Variants in SUGP1 observed in about 807,000 individuals in gnomAD.
SUGP1 encodes the protein SURP and G-patch domain containing 1.
A neutral mutation model predicts 76.5 loss-of-function variants in SUGP1; 34 were observed. That is an observed-to-expected ratio of 0.44 (90% confidence interval 0.34 to 0.59). The LOEUF (loss-of-function observed/expected upper bound fraction) is 0.59. Ranked by LOEUF, SUGP1 falls within the 20% of genes least tolerant of loss-of-function variation. The pLI, the probability that SUGP1 is intolerant of heterozygous loss-of-function variation, is 0.01. For missense variants in SUGP1, 752 were observed against 851.7 expected, an observed-to-expected ratio of 0.88 and a Z score of 1.46; for synonymous variants, 326 against 326.2, an observed-to-expected ratio of 1.00 and a Z score of 0.01.
intron 8 of SUGP1, among the ~76,000 whole-genome samples, chr19:19,292,256 G>A (rs2061190913): frequency 7.1e-6 from 1 of 141,556 alleles, no homozygotes; most frequent in African/African-American, 2.6e-5. Flanking sequence ...CAGGGTGACA[G>A]AGTGAGACTC....
chr19:19,293,081 A>AT (rs1342175949), intron 8 of SUGP1, among the ~76,000 whole-genome samples: 1 of 150,846 alleles, frequency 6.6e-6, no homozygotes, highest in Non-Finnish European at 1.5e-5. Flanking sequence ...TAATTTTTGA[A>AT]TTTTTTTTGG....
intron 3 of SUGP1, among the ~76,000 whole-genome samples, chr19:19,308,569 T>C (rs979639660): frequency 6.6e-6 from 1 of 152,250 alleles, no homozygotes; most frequent in Non-Finnish European, 1.5e-5. Context: ...CCCAGCTGCG[T>C]GCCCACCCGG....
At chr19:19,314,858 AACCC>A (rs1363921153) in intron 2 of SUGP1, among the ~76,000 whole-genome samples, 1 of 152,138 alleles carries the variant, frequency 6.6e-6, no homozygotes, top group Non-Finnish European at 1.5e-5. Context: ...AACAAGGAGA[AACCC>A]CGCCTCTACT....
At chr19:19,298,059 C>G (rs1247980058) in intron 7 of SUGP1, among the ~76,000 whole-genome samples, 1 of 152,230 alleles carries the variant, frequency 6.6e-6, no homozygotes, top group East Asian at 1.9e-4. Flanking sequence ...CGGGAGAGAA[C>G]TGAATGCATG....
intron 8 of SUGP1, among the ~76,000 whole-genome samples, chr19:19,292,531 G>A (rs1401861033): frequency 6.6e-6 from 1 of 151,936 alleles, no homozygotes; most frequent in Non-Finnish European, 1.5e-5. Flanking sequence ...GTGAAACCCT[G>A]TCTCTACTAA....
chr19:19,296,954 C>T (rs2061230515), intron 8 of SUGP1, 35 bp downstream of exon 8: 3 of 1,513,892 alleles, frequency 2.0e-6, no homozygotes, highest in Non-Finnish European at 2.7e-6. Flanking sequence ...AAGTCAGACC[C>T]TTCCAACACA....
At position 19,279,241 on chromosome 19, in the gene SUGP1, C is replaced by T. The variant is rs760060587; in HGVS notation, c.1500G>A (p.Leu500=). ...TGGTCTTATCCATCTCCATGCGCCGCAGCTGGTGCTCCCAGGTGCCCAGCT... is the reference window on the plus strand; with the variant it reads ...TGGTCTTATCCATCTCCATGCGCCGTAGCTGGTGCTCCCAGGTGCCCAGCT... The part of the protein sequence containing the change: ...DSELGTWEHQ[L]RRMEMDKTRE... Residue 500 remains leucine, a synonymous_variant, in exon 10 of 14, where the codon CTG becomes CTA. Coordinates refer to ENST00000247001, the MANE Select transcript of SUGP1 (RefSeq NM_172231.4). 6.2e-7 allele frequency: 1 copy of T among 1,610,032 alleles called. No homozygotes were observed. Among genetic ancestry groups the T allele is most frequent in the East Asian group, 2.2e-5 (1 of 44,856 alleles).
chr19:19,295,333 G>A (rs1014018278), intron 8 of SUGP1, among the ~76,000 whole-genome samples: 6 of 151,974 alleles, frequency 3.9e-5, no homozygotes, highest in African/African-American at 1.5e-4. Flanking sequence ...GGCCGGGAGC[G>A]GTGGTTCACG....
At position 19,280,208 on chromosome 19, in the gene SUGP1, T is replaced by G. The variant is rs1427437991; in HGVS notation, c.1327A>C (p.Lys443Gln). The stretch of plus-strand genomic sequence containing the variant: ...ACCTCCTGCTGCTCCTTCAGCTGCT[T>G]CTTCTGGGCGTCTGAAAGCTCTGTG... Reference protein sequence around the residue: ...GVTELSDAQKKQLKEQQEMQQ... With the variant: ...GVTELSDAQKQQLKEQQEMQQ... The change falls in exon 9 of 14, where the codon AAG (lysine) becomes CAG (glutamine). Residue 443 changes from lysine (K) to glutamine (Q), a missense_variant. Lys to Gln is a moderately conservative substitution (Grantham distance 53). Coordinates refer to ENST00000247001, the MANE Select transcript of SUGP1 (RefSeq NM_172231.4). The G allele has an allele frequency of 1.2e-5, 20 of 1,613,832 alleles. No individual in the cohort carries two copies. Among genetic ancestry groups the G allele is most frequent in the African/African-American group, 6.7e-5 (5 of 74,930 alleles).
rs749160884 is a variant in SUGP1 at position 19,279,300 on chromosome 19, G to A, written c.1441C>T (p.His481Tyr). ...ACCTCCTCATCACTGTCATAGCCGT[G>A]CTGGTGCTGTTGGACTGCCTTCTCC... ...LWEKAVQQHQ[H>Y]GYDSDEEVDS... The change falls in exon 10 of 14, where the codon CAC becomes TAC. Residue 481 changes from histidine (H) to tyrosine (Y), a missense_variant. Physicochemically the swap from His to Tyr is moderately conservative, Grantham distance 83. Coordinates refer to ENST00000247001, the MANE Select transcript of SUGP1 (RefSeq NM_172231.4). 1.2e-6 allele frequency: 2 copies of A among 1,611,226 alleles called. No homozygotes were observed. The highest frequency in any genetic ancestry group is 4.5e-5 in the East Asian group (2 of 44,876).
At chr19:19,309,944 T>C (rs1379616479) in intron 3 of SUGP1, among the ~76,000 whole-genome samples, 153 bp downstream of exon 3, 4 of 152,164 alleles carry the variant, frequency 2.6e-5, no homozygotes, top group Non-Finnish European at 1.5e-5. Context: ...TATTTATTTA[T>C]TTATGCCTTT....
intron 3 of SUGP1, among the ~76,000 whole-genome samples, chr19:19,308,860 C>A (rs2061334759): frequency 7.2e-6 from 1 of 138,232 alleles, no homozygotes; most frequent in South Asian, 2.4e-4. Flanking sequence ...TACATTTGCC[C>A]CCTTGGTAAT....
chr19:19,310,591 C>T (rs2061346316), intron 2 of SUGP1, among the ~76,000 whole-genome samples: 1 of 152,158 alleles, frequency 6.6e-6, no homozygotes. Flanking sequence ...CCTGCTAGAC[C>T]TTAGAGTTTT....
chr19:19,306,548 T>C (rs934417979), intron 3 of SUGP1, among the ~76,000 whole-genome samples: 1 of 152,230 alleles, frequency 6.6e-6, no homozygotes, highest in African/African-American at 2.4e-5. Flanking sequence ...AATTTGGCCT[T>C]GGGTTAACTT....
At chr19:19,317,900 TC>T (rs754841146) in intron 1 of SUGP1, among the ~76,000 whole-genome samples, 1 of 137,190 alleles carries the variant, frequency 7.3e-6, no homozygotes, top group Admixed American at 7.9e-5. Context: ...AACCTCCACC[TC>T]CCAGGTTCAA....
chr19:19,293,964 T>G (rs1301902225), intron 8 of SUGP1, among the ~76,000 whole-genome samples: 1 of 151,962 alleles, frequency 6.6e-6, no homozygotes, highest in Non-Finnish European at 1.5e-5. Context: ...GTGGCAAGAT[T>G]GTTTGAGGCC....
At chr19:19,306,893 G>A (rs187802956) in intron 3 of SUGP1, among the ~76,000 whole-genome samples, 1 of 152,324 alleles carries the variant, frequency 6.6e-6, no homozygotes, top group South Asian at 2.1e-4. Flanking sequence ...CCACAGCAAG[G>A]CAGGGGATGG....
chr19:19,276,540 C>A lies in SUGP1; in HGVS notation c.*108G>T. ...GTGGATGAGCACTGGGACTTTATTA[C>A]ACGGCACGGCACTCGTGACAACGGA... is the stretch of plus-strand genomic sequence containing the variant. On this transcript the variant is annotated 3_prime_UTR_variant, in exon 14 of 14. Transcript: ENST00000247001. 1 of 1,384,750 alleles carries A rather than the reference C, an allele frequency of 7.2e-7. No individual in the cohort carries two copies. Among genetic ancestry groups the A allele is most frequent in the Non-Finnish European group, 1.0e-6 (1 of 984,310 alleles). The allele number at this position is 1,384,750 out of a possible 1,614,324, so 85.8% of individuals were successfully genotyped here. A position where few individuals can be genotyped will look rare whatever the true frequency, so the allele number is the denominator to read the frequency against.
At chr19:19,289,887 CA>C (rs1189178236) in intron 8 of SUGP1, among the ~76,000 whole-genome samples, 2 of 152,174 alleles carry the variant, frequency 1.3e-5, no homozygotes, top group East Asian at 1.9e-4. Flanking sequence ...CCCCTTCCCC[CA>C]TACGTCGCCC....
Sources: gnomAD v4.1 joint callset for allele counts (sites outside exome capture counted in the v4.1 genomes callset) on GRCh38, gnomAD v4.1.1 for gene constraint, MANE v1.5 for transcripts, NCBI Gene and HGNC (gene_info 2026-07-23, HGNC 2026-07-21) for gene names.